BLNK: variants seen among roughly 807,000 people sequenced by gnomAD.
BLNK encodes B-cell linker protein.
In BLNK, 29 loss-of-function variants were observed where a neutral mutation model predicts 73.5. That is an observed-to-expected ratio of 0.39 (90% CI 0.29 to 0.54). The LOEUF is 0.54. Ranked by LOEUF, BLNK falls within the 20% of genes least tolerant of loss-of-function variation. The probability of loss-of-function intolerance (pLI) is 0.61; values close to 1 mark genes in which losing one functional copy is unlikely to be tolerated. For missense variants in BLNK, 460 were observed against 562.8 expected, an observed-to-expected ratio of 0.82 and a Z score of 1.85; for synonymous variants, 176 against 200.8, an observed-to-expected ratio of 0.88 and a Z score of 1.04.
At chr10:96,234,621 A>G (rs1269510923) in intron 3 of BLNK, among the ~76,000 whole-genome samples, 3 of 152,228 alleles carry the variant, frequency 2.0e-5, no homozygotes, top group African/African-American at 7.2e-5. Flanking sequence ...TATTTTTGTG[A>G]GAATCAAATA....
chr10:96,194,338 AT>A (rs1353637385), intron 16 of BLNK, among the ~76,000 whole-genome samples: 10 of 152,228 alleles, frequency 6.6e-5, no homozygotes, highest in Non-Finnish European at 1.3e-4. Flanking sequence ...AGAGTTTTGC[AT>A]TTTAAAATTA....
chr10:96,269,268 C>T (rs1351846087), intron 1 of BLNK, among the ~76,000 whole-genome samples: 2 of 152,060 alleles, frequency 1.3e-5, no homozygotes, highest in African/African-American at 4.8e-5. Context: ...GTATATTGCC[C>T]ATCAACTACT....
chr10:96,223,750 A>G (rs1237873723), intron 6 of BLNK, 76 bp downstream of exon 6: 9 of 1,523,086 alleles, frequency 5.9e-6, no homozygotes, highest in Non-Finnish European at 8.2e-6. Flanking sequence ...GAGGACAGCC[A>G]GCGGGCAGGC....
intron 3 of BLNK, among the ~76,000 whole-genome samples, chr10:96,242,064 C>T (rs1013873484): frequency 6.6e-6 from 1 of 152,124 alleles, no homozygotes; most frequent in African/African-American, 2.4e-5. Flanking sequence ...TCTGTGTACC[C>T]CCCCAAATCT....
intron 8 of BLNK, among the ~76,000 whole-genome samples, chr10:96,211,689 G>A (rs1430896546): frequency 6.6e-6 from 1 of 152,138 alleles, no homozygotes; most frequent in Non-Finnish European, 1.5e-5. Context: ...ACCTGAACTG[G>A]GTCTGATTTT....
intron 15 of BLNK, among the ~76,000 whole-genome samples, chr10:96,198,369 A>G (rs2083530442): frequency 1.3e-5 from 2 of 152,362 alleles, no homozygotes; most frequent in Admixed American, 6.5e-5. Context: ...TGATCTAAGA[A>G]AACTTATTGG....
At chr10:96,258,445 C>G (rs1843611623) in intron 1 of BLNK, among the ~76,000 whole-genome samples, 1 of 152,164 alleles carries the variant, frequency 6.6e-6, no homozygotes, top group African/African-American at 2.4e-5. Flanking sequence ...TTGGGAATAT[C>G]CTGGGTCAAC....
chr10:96,194,768 AT>A (rs71034364), intron 16 of BLNK, among the ~76,000 whole-genome samples: 15,925 of 110,060 alleles, frequency 0.14, 1,009 homozygotes, highest in Middle Eastern at 0.22. Context: ...AGAAATGCAA[AT>A]TTTTTTTTTT....
rs921530082 is a variant in BLNK at position 96,256,860 on chromosome 10, G to A, written c.48-9811C>T. The stretch of plus-strand genomic sequence containing the variant: ...TGCACCACTGCACTCCAGCCTGGGC[G>A]ACAGAGTGAGACTCCATCTCAAAAA... On this transcript the variant is annotated intron_variant, in intron 1 of 16. Coordinates refer to ENST00000224337, the MANE Select transcript of BLNK (RefSeq NM_013314.4). Among the ~76,000 whole-genome samples, 6 of 115,760 alleles carry A rather than the reference G, an allele frequency of 5.2e-5. No homozygotes were observed. In the East Asian group the frequency reaches 1.0e-3, roughly 19 times the overall value. 75.9% of individuals were successfully genotyped at this position (115,760 alleles called of 152,430 possible).
In BLNK at chr10:96,221,480, T is replaced by G. The variant is rs587660375; in HGVS notation, c.525+2346A>C. ...TTTGTTTATTTGTTTTTACACCTCT[T>G]TCTTATATTGGCTCTCTATCTGCCC... On this transcript the variant is annotated intron_variant, in intron 6 of 16. Coordinates refer to ENST00000224337, the MANE Select transcript of BLNK (RefSeq NM_013314.4). Among the ~76,000 whole-genome samples the G allele has an allele frequency of 3.0e-4, 46 of 152,326 alleles. No homozygotes were observed. In the South Asian group the frequency reaches 9.3e-3, roughly 31 times the overall value.
At chr10:96,198,576 G>A (rs587669854) in intron 15 of BLNK, among the ~76,000 whole-genome samples, 1 of 152,338 alleles carries the variant, frequency 6.6e-6, no homozygotes, top group East Asian at 1.9e-4. Flanking sequence ...GACTTCTCAA[G>A]AGCTTCATAC....
chr10:96,231,111 G>A (rs904602547), intron 3 of BLNK, among the ~76,000 whole-genome samples: 1 of 152,206 alleles, frequency 6.6e-6, no homozygotes, highest in Non-Finnish European at 1.5e-5. Flanking sequence ...GGGTCCCCCA[G>A]TAGAGACCTA....
At chr10:96,236,650 T>A (rs7894416) in intron 3 of BLNK, among the ~76,000 whole-genome samples, 84,607 of 151,788 alleles carry the variant, frequency 0.56, 27,375 homozygotes, top group Non-Finnish European at 0.72. Context: ...AGTGAGACAT[T>A]GTCTCTACAA....
rs868946913 is a variant in BLNK at position 96,232,342 on chromosome 10, G to A, written c.164-1508C>T. On this transcript the variant is annotated intron_variant, in intron 3 of 16. Transcript: ENST00000224337. ...CCGCTGAGTAGCCACTGCCACAGAG[G>A]ACCCAGTGGATGTTCCTAAATTTCC... Among the ~76,000 whole-genome samples, 25 of 145,062 alleles carry A rather than the reference G, an allele frequency of 1.7e-4. No individual in the cohort carries two copies. In the Middle Eastern group the frequency reaches 0.014, roughly 82 times the overall value.
In BLNK at chr10:96,189,372, C is replaced by G. The variant is rs2083294673; in HGVS notation, c.*2601G>C. The G allele has an allele frequency of 5.3e-6, 3 of 570,778 alleles. No homozygotes were observed. The African/African-American group carries it at 5.6e-5, about 11-fold the overall frequency. The allele number at this position is 570,778 out of a possible 1,614,324, so 35.4% of individuals were successfully genotyped here. ...TTTAAACTATTTTCTAAAGAGACTT[C>G]CTCCACTGCCAGGATCTTGAATAGT... On this transcript the variant is annotated 3_prime_UTR_variant, in exon 17 of 17. Transcript: ENST00000224337.
At chr10:96,265,219 A>G (rs1282327631) in intron 1 of BLNK, among the ~76,000 whole-genome samples, 1 of 151,670 alleles carries the variant, frequency 6.6e-6, no homozygotes, top group Non-Finnish European at 1.5e-5. Context: ...TCTGGCTCCA[A>G]ACAATCCTCC....
chr10:96,199,411 G>T, intron 15 of BLNK: 1 of 379,956 alleles, frequency 2.6e-6, no homozygotes, highest in South Asian at 1.9e-5. Context: ...CCTGCACATT[G>T]ATCCAAAATA....
intron 3 of BLNK, among the ~76,000 whole-genome samples, chr10:96,240,835 A>G (rs899043067): frequency 3.3e-5 from 5 of 152,348 alleles, no homozygotes; most frequent in African/African-American, 1.2e-4. Context: ...TAATTTGTCC[A>G]TCAAACTTAT....
chr10:96,200,168 G>A lies in BLNK; in HGVS notation c.1012-10C>T, dbSNP rs2083591989. ...AGAGAACGCCAGCTTCCTGTGAAAT[G>A]GAGGGCACTGGTCAGCATGGGATGG... is the stretch of plus-strand genomic sequence containing the variant. On this transcript the variant is annotated splice_polypyrimidine_tract_variant and intron_variant, in intron 14 of 16. Transcript: ENST00000224337. The surrounding 1 kb of genome is among the most constrained non-coding windows in gnomAD (Gnocchi z 4.3). 1 of 1,613,228 alleles carries A rather than the reference G, an allele frequency of 6.2e-7. No homozygotes were observed. The highest frequency in any genetic ancestry group is 8.5e-7 in the Non-Finnish European group (1 of 1,179,366).
Sources: allele counts gnomAD v4.1 joint callset (sites outside exome capture counted in the v4.1 genomes callset), GRCh38; gene constraint gnomAD v4.1.1; non-coding constraint Gnocchi (gnomAD v3.1); transcripts MANE v1.5; gene names NCBI Gene and HGNC (gene_info 2026-07-23, HGNC 2026-07-21).